Variants in ZNG1A observed in about 807,000 individuals in gnomAD.
The protein encoded by ZNG1A is zinc-regulated GTPase metalloprotein activator 1A.
the ZNG1A span, among the ~76,000 whole-genome samples, chr9:120,863 C>G: frequency 6.6e-6 from 1 of 152,220 alleles, no homozygotes; most frequent in Non-Finnish European, 1.5e-5. Context: ...TTCAATTAAT[C>G]ATGTAGACCA....
At chr9:172,225 G>C in the ZNG1A span, 2 of 1,601,556 alleles carry the variant, frequency 1.2e-6, no homozygotes, top group East Asian at 4.5e-5. Flanking sequence ...ATTTTGAAGT[G>C]ATTATTATAA....
chr9:146,028 T>C, the ZNG1A span: 2 of 1,284,868 alleles, frequency 1.6e-6, no homozygotes, highest in Admixed American at 4.6e-5. Flanking sequence ...GATGCAATTG[T>C]GCACATCATT....
chr9:157,706 CTT>C, the ZNG1A span, among the ~76,000 whole-genome samples: 1 of 147,184 alleles, frequency 6.8e-6, no homozygotes, highest in Admixed American at 6.8e-5. Context: ...ATTTTAAAGT[CTT>C]TGTGAAATCT....
the ZNG1A span, among the ~76,000 whole-genome samples, chr9:159,257 T>C: frequency 6.7e-6 from 1 of 149,098 alleles, no homozygotes; most frequent in Admixed American, 6.7e-5. Flanking sequence ...AAAACCCCAA[T>C]TTAACTTACC....
chr9:175,355 C>T, the ZNG1A span, among the ~76,000 whole-genome samples: 12 of 150,592 alleles, frequency 8.0e-5, no homozygotes, highest in Non-Finnish European at 1.5e-4. Context: ...TCCAGCCTGG[C>T]GACAGAGAGA....
chr9:159,687 A>C, the ZNG1A span, among the ~76,000 whole-genome samples: 1 of 150,914 alleles, frequency 6.6e-6, no homozygotes, highest in South Asian at 2.1e-4. Flanking sequence ...AGCCGGACCG[A>C]AAAAAGAGAA....
At chr9:146,082 C>A in the ZNG1A span, 2 of 1,512,394 alleles carry the variant, frequency 1.3e-6, no homozygotes, top group South Asian at 1.3e-5. Context: ...ATAAAAGTAA[C>A]CAAATTATAC....
chr9:141,115 C>G, the ZNG1A span, among the ~76,000 whole-genome samples: 1 of 140,198 alleles, frequency 7.1e-6, no homozygotes, highest in Non-Finnish European at 1.5e-5. Flanking sequence ...GGAAAACACT[C>G]TGCAGGATAT....
chr9:169,053 G>C, the ZNG1A span, among the ~76,000 whole-genome samples: 1 of 152,010 alleles, frequency 6.6e-6, no homozygotes, highest in Non-Finnish European at 1.5e-5. Flanking sequence ...ATTTCATAAG[G>C]CTATAGCTAC....
chr9:159,609 T>C, the ZNG1A span, among the ~76,000 whole-genome samples: 1 of 151,756 alleles, frequency 6.6e-6, no homozygotes, highest in African/African-American at 2.4e-5. Flanking sequence ...CTCTCTGAAA[T>C]AACACCACTG....
chr9:141,186 G>C, the ZNG1A span, among the ~76,000 whole-genome samples: 10 of 137,530 alleles, frequency 7.3e-5, no homozygotes, highest in South Asian at 2.6e-4. Flanking sequence ...AGGAAATACA[G>C]AGAATGCCAC....
At chr9:161,626 A>C in the ZNG1A span, 1 of 1,286,376 alleles carries the variant, frequency 7.8e-7, no homozygotes, top group African/African-American at 1.5e-5. Context: ...GGATGATTTC[A>C]TTCTTTTCTG....
chr9:154,376 T>C, the ZNG1A span: 3 of 439,602 alleles, frequency 6.8e-6, no homozygotes, highest in East Asian at 1.1e-4. Flanking sequence ...ACAGGATGCA[T>C]CCATGGGAAA....
the ZNG1A span, chr9:172,007 G>C: frequency 1.2e-6 from 2 of 1,603,420 alleles, no homozygotes; most frequent in South Asian, 1.1e-5. Context: ...CCTCATTTTA[G>C]ATATTCCTCT....
the ZNG1A span, among the ~76,000 whole-genome samples, chr9:175,530 T>G: frequency 2.0e-5 from 3 of 150,188 alleles, no homozygotes; most frequent in Admixed American, 2.0e-4. Flanking sequence ...CTAATTTCAG[T>G]ATCTCAACCC....
the ZNG1A span, chr9:122,345 T>C: frequency 7.5e-7 from 1 of 1,341,206 alleles, no homozygotes; most frequent in Non-Finnish European, 9.6e-7. Context: ...AGTTAATACA[T>C]ATATTAGGAT....
the ZNG1A span, among the ~76,000 whole-genome samples, chr9:177,571 A>C: frequency 6.6e-6 from 1 of 152,020 alleles, no homozygotes; most frequent in Non-Finnish European, 1.5e-5. Context: ...ATCAGAAGAA[A>C]AATGTAGTAG....
At chr9:136,840 C>T in the ZNG1A span, among the ~76,000 whole-genome samples, 4 of 151,896 alleles carry the variant, frequency 2.6e-5, no homozygotes, top group Non-Finnish European at 5.9e-5. Context: ...GAGTTCAAGA[C>T]GAGCCTGAGC....
At chr9:150,307 C>T in the ZNG1A span, 137,654 of 254,834 alleles carry the variant, frequency 0.54, 41,264 homozygotes, top group African/African-American at 0.77. Context: ...TTTGTATTTT[C>T]AGTAGAGACG....
Sources: allele counts gnomAD v4.1 joint callset (sites outside exome capture counted in the v4.1 genomes callset), GRCh38; gene constraint gnomAD v4.1.1; transcripts MANE v1.5; gene names NCBI Gene and HGNC (gene_info 2026-07-23, HGNC 2026-07-21).